Variants in ZNF365 observed in about 807,000 individuals in gnomAD.
ZNF365 encodes the protein zinc finger protein 365.
In ZNF365, 22 loss-of-function variants were observed where a neutral mutation model predicts 35.0. The observed-to-expected ratio is 0.63, with a 90% CI of 0.45 to 0.90. The LOEUF (loss-of-function observed/expected upper bound fraction) is 0.90. ZNF365 is among the 40% of genes least tolerant of loss of function. ZNF365 has a pLI of 0.00. For missense variants in ZNF365, 448 were observed against 500.3 expected (o/e 0.90, Z 1.00); for synonymous variants, 188 against 196.2 (o/e 0.96, Z 0.35).
Position 62,399,419 on chromosome 10 carries a change from C to T in ZNF365, c.963-109C>T, listed in dbSNP as rs965905539. ...TGCCTTTGTGGTAGCATTATCACCA[C>T]TGTAGCATGTAGGAGAGATTGTGCC... On this transcript the variant is annotated intron_variant, in intron 4 of 4. Coordinates refer to ENST00000395254, the MANE Select transcript of ZNF365 (RefSeq NM_014951.3). 4.1e-6 allele frequency: 6 copies of T among 1,478,040 alleles called. No individual in the cohort carries two copies. In the African/African-American group the frequency reaches 8.4e-5, roughly 21 times the overall value. The allele number at this position is 1,478,040 out of a possible 1,614,324, so 91.6% of individuals were successfully genotyped here. A position where few individuals can be genotyped will look rare whatever the true frequency, so the allele number is the denominator to read the frequency against.
At chr10:62,446,131 A>C (rs1840584273) in intron 3 of ZNF365, among the ~76,000 whole-genome samples, 1 of 152,190 alleles carries the variant, frequency 6.6e-6, no homozygotes, top group African/African-American at 2.4e-5. Context: ...CTTCTTTATG[A>C]GAAAGTTCTC....
intron 3 of ZNF365, 79 bp from the exon 4 acceptor site, chr10:62,398,661 G>T: frequency 7.3e-7 from 1 of 1,373,156 alleles, no homozygotes. Flanking sequence ...GCAGTTTTTA[G>T]AAAGTATAAG....
chr10:62,452,084 G>A (rs1015348056), intron 3 of ZNF365, among the ~76,000 whole-genome samples: 1 of 152,178 alleles, frequency 6.6e-6, no homozygotes, highest in Non-Finnish European at 1.5e-5. Flanking sequence ...GTCTATCTAG[G>A]AGTTTAACTT....
rs1298981660 is a variant in ZNF365 at position 62,376,310 on chromosome 10, C to G, written c.117C>G (p.Ser39Arg). Residue 39 changes from serine (S) to arginine (R), a missense_variant, in exon 2 of 5, where the codon AGC becomes AGG. Around this residue, in one of 3 missense-constraint regions of ZNF365, gnomAD observed 76 missense variants for 96.7 expected, o/e 0.79. Transcript: ENST00000395254. Reference protein sequence around the residue: ...PRCGDHTRFRSLSSLRAHLEF... With the variant: ...PRCGDHTRFRRLSSLRAHLEF... ...GTGGAGACCATACCAGATTTAGAAG[C>G]TTGTCATCCTTGAGGGCCCATCTGG... 2 of 1,614,014 alleles carry G rather than the reference C, an allele frequency of 1.2e-6. No homozygotes were observed. The highest frequency in any genetic ancestry group is 1.7e-6 in the Non-Finnish European group (2 of 1,180,046).
At chr10:62,439,428 C>G (rs1358272172) in intron 3 of ZNF365, among the ~76,000 whole-genome samples, 2 of 152,138 alleles carry the variant, frequency 1.3e-5, no homozygotes, top group Admixed American at 1.3e-4. Flanking sequence ...AACAATGCCT[C>G]CCTTTCCCAG....
intron 3 of ZNF365, among the ~76,000 whole-genome samples, chr10:62,409,511 T>C: frequency 6.6e-6 from 1 of 152,154 alleles, no homozygotes; most frequent in East Asian, 1.9e-4. Context: ...TGAGGAACCA[T>C]TTCCCTTTAA....
chr10:62,456,069 T>A (rs554534511), intron 3 of ZNF365, among the ~76,000 whole-genome samples: 1 of 152,290 alleles, frequency 6.6e-6, no homozygotes, highest in Non-Finnish European at 1.5e-5. Flanking sequence ...AGATTCAATA[T>A]CTGTTCAATC....
intron 1 of ZNF365, 27 bp from the exon 2 acceptor site, chr10:62,376,154 G>C (rs764862837): frequency 5.0e-6 from 8 of 1,605,768 alleles, no homozygotes; most frequent in Non-Finnish European, 6.0e-6. Flanking sequence ...CAGCCGACTT[G>C]TAAACTACCT....
chr10:62,400,737 T>G lies in ZNF365; in HGVS notation c.*948T>G. 1.0e-6 allele frequency: 1 copy of G among 985,680 alleles called. No individual in the cohort carries two copies. The highest frequency in any genetic ancestry group is 1.2e-6 in the Non-Finnish European group (1 of 830,040). 61.1% of individuals were successfully genotyped at this position (985,680 alleles called of 1,614,324 possible). A position where few individuals can be genotyped will look rare whatever the true frequency, so the allele number is the denominator to read the frequency against. Reference sequence around the variant, plus strand: ...GCCAGTGTCAGTGGCCCTCTCTCTCTCTGCTATGGGCATGACTTTCTCTTC... The same window carrying G: ...GCCAGTGTCAGTGGCCCTCTCTCTCGCTGCTATGGGCATGACTTTCTCTTC... On this transcript the variant is annotated 3_prime_UTR_variant, in exon 5 of 5. Transcript: ENST00000395254.
intron 3 of ZNF365, among the ~76,000 whole-genome samples, chr10:62,448,009 C>G (rs1057059748): frequency 1.3e-5 from 2 of 152,296 alleles, no homozygotes; most frequent in East Asian, 3.9e-4. Context: ...CACCCGCCAC[C>G]CAAACTCTAC....
intron 3 of ZNF365, among the ~76,000 whole-genome samples, chr10:62,409,109 CTG>C (rs1367538560): frequency 1.3e-5 from 2 of 152,150 alleles, no homozygotes; most frequent in Non-Finnish European, 2.9e-5. Flanking sequence ...TTTCCTGAAA[CTG>C]TGACTTAGAA....
At chr10:62,413,968 A>G (rs1840030168) in intron 3 of ZNF365, among the ~76,000 whole-genome samples, 1 of 152,196 alleles carries the variant, frequency 6.6e-6, no homozygotes, top group South Asian at 2.1e-4. Flanking sequence ...CCTGACTGAA[A>G]GAGTCACAGG....
Position 62,388,404 on chromosome 10 carries a change from T to C in ZNF365, c.752T>C (p.Val251Ala), listed in dbSNP as rs531423000. Residue 251 changes from valine (V) to alanine (A), a missense_variant, in exon 3 of 5, where the codon GTC becomes GCC. By Grantham distance (64) the Val-to-Ala change is moderately conservative. Coordinates refer to ENST00000395254, the MANE Select transcript of ZNF365 (RefSeq NM_014951.3). ...EELLRKEEEVVTFNHFLEAAA... is the reference protein window; with the variant it reads ...EELLRKEEEVATFNHFLEAAA... ...ACATTTTTGCCTTGCAGAGAAGTTGTCACATTCAACCATTTCCTGGAAGCG... is the reference window on the plus strand; with the variant it reads ...ACATTTTTGCCTTGCAGAGAAGTTGCCACATTCAACCATTTCCTGGAAGCG... The C allele has an allele frequency of 3.3e-4, 527 of 1,614,224 alleles. 4 individuals carry two copies. The South Asian group carries it at 4.6e-3, about 14-fold the overall frequency.
At chr10:62,469,515 C>T (rs559625847) in intron 4 of ZNF365, among the ~76,000 whole-genome samples, 93 of 152,180 alleles carry the variant, frequency 6.1e-4, no homozygotes, top group South Asian at 1.5e-3. Flanking sequence ...ACAAAAATGC[C>T]TTGAATTTGA....
chr10:62,423,551 C>G lies in ZNF365; in HGVS notation c.924+34975C>G, dbSNP rs967406710. On this transcript the variant is annotated intron_variant, in intron 3 of 4. Transcript: ENST00000395255. ...CAGGAAGAAAAGTGTTAAATTTTTA[C>G]ACTAACTCTAGGATGTGACATGTGC... Among the ~76,000 whole-genome samples the G allele has an allele frequency of 4.6e-5, 7 of 152,282 alleles. No individual in the cohort carries two copies. In the East Asian group the frequency reaches 1.3e-3, roughly 29 times the overall value.
At chr10:62,464,465 G>A (rs1044623283) in intron 4 of ZNF365, among the ~76,000 whole-genome samples, 10 of 152,328 alleles carry the variant, frequency 6.6e-5, no homozygotes, top group South Asian at 4.1e-4. Context: ...TATCCCAAGC[G>A]CCTTGTACAC....
chr10:62,444,259 T>C (rs750642122), intron 3 of ZNF365, among the ~76,000 whole-genome samples: 2 of 152,144 alleles, frequency 1.3e-5, no homozygotes, highest in Non-Finnish European at 2.9e-5. Flanking sequence ...TGCAGATACA[T>C]CTCTTGGTGT....
intron 3 of ZNF365, among the ~76,000 whole-genome samples, chr10:62,408,332 G>A (rs1218876741): frequency 6.6e-6 from 1 of 152,126 alleles, no homozygotes; most frequent in African/African-American, 2.4e-5. Flanking sequence ...AAATCATTAA[G>A]TTACATTAAA....
In ZNF365 at chr10:62,442,677, C is replaced by G. The variant is rs186554178; in HGVS notation, c.925-17064C>G. On this transcript the variant is annotated intron_variant, in intron 3 of 4. Coordinates refer to the ZNF365 transcript ENST00000395255. ...CACCTTTGCCCTGTCTCTTGAAATC[C>G]TACTCCTCCACATAGGCTATGGTGG... Among the ~76,000 whole-genome samples, 27 of 152,326 alleles carry G rather than the reference C, an allele frequency of 1.8e-4. No individual in the cohort carries two copies. The East Asian group carries it at 5.2e-3, about 29-fold the overall frequency.
Sources: gnomAD v4.1 joint callset for allele counts (sites outside exome capture counted in the v4.1 genomes callset) on GRCh38, gnomAD v4.1.1 for gene constraint, gnomAD v4.1.1 regional missense constraint, MANE v1.5 for transcripts, NCBI Gene and HGNC (gene_info 2026-07-23, HGNC 2026-07-21) for gene names.